The following ATP6V1E1 variants were observed in gnomAD, a reference collection of about 807,000 sequenced individuals.
The protein encoded by ATP6V1E1 is V-type proton ATPase subunit E 1.
A neutral mutation model predicts 35.2 loss-of-function variants in ATP6V1E1; 21 were observed. The observed-to-expected ratio is 0.60, with a 90% CI of 0.42 to 0.86. The LOEUF (loss-of-function observed/expected upper bound fraction) is 0.86. ATP6V1E1 is among the 40% of genes least tolerant of loss of function. ATP6V1E1 has a pLI of 0.00. For synonymous variants in ATP6V1E1, 83 were observed against 87.8 expected (o/e 0.95, Z 0.30); for missense variants, 183 against 272.6 (o/e 0.67, Z 2.32).
intron 1 of ATP6V1E1, among the ~76,000 whole-genome samples, chr22:17,626,346 G>A (rs1191177453): frequency 6.9e-6 from 1 of 144,722 alleles, no homozygotes; most frequent in Non-Finnish European, 1.5e-5. Flanking sequence ...AAGAAAAAGC[G>A]GTCTTCCATT....
chr22:17,613,638 T>C (rs772533650), intron 2 of ATP6V1E1, among the ~76,000 whole-genome samples: 40 of 152,062 alleles, frequency 2.6e-4, no homozygotes, highest in Non-Finnish European at 4.0e-4. Flanking sequence ...ATTAGCTTAC[T>C]GGTGGGCCAA....
intron 2 of ATP6V1E1, among the ~76,000 whole-genome samples, chr22:17,614,500 TAC>T (rs112669120): frequency 1.3e-5 from 2 of 148,666 alleles, no homozygotes; most frequent in South Asian, 2.2e-4. Context: ...CTACTAAAAA[TAC>T]ACACACACAC....
At chr22:17,599,932 A>G in intron 6 of ATP6V1E1, 95 bp downstream of exon 6, 1 of 1,028,074 alleles carries the variant, frequency 9.7e-7, no homozygotes. Flanking sequence ...CCAAAAAAAA[A>G]AGAAAAGGAA....
intron 2 of ATP6V1E1, among the ~76,000 whole-genome samples, chr22:17,615,341 A>G (rs575785771): frequency 5.1e-4 from 77 of 152,174 alleles, no homozygotes; most frequent in African/African-American, 1.8e-3. Context: ...TTTATTATAC[A>G]TTATTTTATT....
Position 17,613,241 on chromosome 22 carries a change from T to C in ATP6V1E1, c.179A>G (p.Lys60Arg). Residue 60 changes from lysine (K) to arginine (R), a missense_variant, in exon 3 of 9, where the codon AAA becomes AGA. Physicochemically the swap from Lys to Arg is conservative, Grantham distance 26 (BLOSUM62 2). Transcript: ENST00000253413. ...CTTCTGCTGCTCAATCTGTTTCTCT[T>C]TCTTCTCATAATATTCCATAATCTT... ...RLKIMEYYEK[K>R]EKQIEQQKKI... is the part of the protein sequence containing the mutation. The C allele has an allele frequency of 6.2e-7, 1 of 1,612,472 alleles. No homozygotes were observed. The highest frequency in any genetic ancestry group is 8.5e-7 in the Non-Finnish European group (1 of 1,179,686).
At chr22:17,610,860 A>G (rs2057812161) in intron 4 of ATP6V1E1, among the ~76,000 whole-genome samples, 1 of 152,324 alleles carries the variant, frequency 6.6e-6, no homozygotes, top group Non-Finnish European at 1.5e-5. Context: ...GGGGTTGGAG[A>G]AAGGGAACTA....
intron 1 of ATP6V1E1, 148 bp downstream of exon 1, chr22:17,628,455 G>C: frequency 8.8e-7 from 1 of 1,135,780 alleles, no homozygotes; most frequent in Non-Finnish European, 1.3e-6. Flanking sequence ...TCCGTCCTCA[G>C]GCCGACCTCT....
intron 2 of ATP6V1E1, chr22:17,619,254 T>C: frequency 1.8e-6 from 1 of 566,904 alleles, no homozygotes; most frequent in Non-Finnish European, 3.1e-6. Flanking sequence ...ATCGCGCCAT[T>C]GCACTTCAGC....
At chr22:17,616,575 A>G (rs2057845932) in intron 2 of ATP6V1E1, among the ~76,000 whole-genome samples, 1 of 149,906 alleles carries the variant, frequency 6.7e-6, no homozygotes, top group Non-Finnish European at 1.5e-5. Context: ...GCTACTTGGG[A>G]GGCTGAGGCA....
intron 6 of ATP6V1E1, among the ~76,000 whole-genome samples, chr22:17,599,759 A>C (rs2057752711): frequency 6.6e-6 from 1 of 151,386 alleles, no homozygotes; most frequent in Non-Finnish European, 1.5e-5. Context: ...CCCTCTACTA[A>C]AAATACAAAA....
intron 4 of ATP6V1E1, among the ~76,000 whole-genome samples, chr22:17,610,039 GA>G (rs1332906455): frequency 6.6e-6 from 1 of 152,048 alleles, no homozygotes; most frequent in African/African-American, 2.4e-5. Flanking sequence ...GCTGAGGTGG[GA>G]AGGACTGCTT....
chr22:17,619,390 C>T, intron 2 of ATP6V1E1, 71 bp downstream of exon 2: 9 of 1,347,632 alleles, frequency 6.7e-6, no homozygotes, highest in Non-Finnish European at 9.3e-6. Context: ...GTTTTACTAA[C>T]AATATTATTT....
chr22:17,627,149 CCAGA>C, intron 1 of ATP6V1E1, among the ~76,000 whole-genome samples: 1 of 152,004 alleles, frequency 6.6e-6, no homozygotes. Context: ...CCCACTAGGC[CCAGA>C]CAATCTTTTT....
rs1370972093 is a variant in ATP6V1E1 at position 17,612,889 on chromosome 22, G to T, written c.210-11C>A. The T allele has an allele frequency of 1.2e-6, 2 of 1,600,564 alleles. No individual in the cohort carries two copies. The highest frequency in any genetic ancestry group is 2.7e-5 in the African/African-American group (2 of 74,088). ...AAATTGGACATCTGACTGCAAAACG[G>T]TATTGAAAAATAGCATTAGTAACAA... On this transcript the variant is annotated splice_polypyrimidine_tract_variant and intron_variant, in intron 3 of 8. Transcript: ENST00000253413.
At chr22:17,604,526 C>CTTTTTT (rs66549570) in intron 4 of ATP6V1E1, among the ~76,000 whole-genome samples, 32,845 of 144,528 alleles carry the variant, frequency 0.23, 4,102 homozygotes, top group Middle Eastern at 0.27. Context: ...TTTGTTTTCT[C>CTTTTTT]TTTTTTTTTT....
intron 4 of ATP6V1E1, among the ~76,000 whole-genome samples, chr22:17,606,192 T>C (rs2057786211): frequency 1.3e-5 from 2 of 152,204 alleles, no homozygotes; most frequent in African/African-American, 4.8e-5. Flanking sequence ...AACTTGCCTA[T>C]TTTCTTTTAA....
chr22:17,612,652 C>G, intron 4 of ATP6V1E1, 160 bp downstream of exon 4: 1 of 661,658 alleles, frequency 1.5e-6, no homozygotes, highest in Non-Finnish European at 2.5e-6. Flanking sequence ...TCAATACAGG[C>G]CTTGGCTCTT....
In ATP6V1E1 at chr22:17,592,688, TC is replaced by T; in HGVS notation, c.666del (p.Lys223SerfsTer26). On this transcript the variant is annotated frameshift_variant, in exon 9 of 9. Coordinates refer to ENST00000253413, the MANE Select transcript of ATP6V1E1 (RefSeq NM_001696.4). LOFTEE classifies it high-confidence loss of function. ...CTCCTGAAGGCTTAGTCCAAAAACT[TC>T]CTGTTGGCATTTGCACCAAACAAGG... is the stretch of plus-strand genomic sequence containing the variant. ...RGALFGANAN[R>X]KFLD is the part of the protein sequence containing the mutation. 6.2e-7 allele frequency: 1 copy of T among 1,614,092 alleles called. No individual in the cohort carries two copies. The highest frequency in any genetic ancestry group is 2.2e-5 in the East Asian group (1 of 44,890).
intron 4 of ATP6V1E1, among the ~76,000 whole-genome samples, chr22:17,608,295 A>C (rs950308414): frequency 2.0e-5 from 3 of 152,250 alleles, no homozygotes; most frequent in Non-Finnish European, 4.4e-5. Context: ...TGTTTGCAAC[A>C]ATTTTAAAGT....
Sources: gnomAD v4.1 joint callset for allele counts (sites outside exome capture counted in the v4.1 genomes callset) on GRCh38, gnomAD v4.1.1 for gene constraint, MANE v1.5 for transcripts, NCBI Gene and HGNC (gene_info 2026-07-23, HGNC 2026-07-21) for gene names.